NCAM1: variants seen among roughly 807,000 people sequenced by gnomAD.
The protein encoded by NCAM1 is antigen recognized by monoclonal antibody 5.1H11.
A neutral mutation model predicts 109.8 loss-of-function variants in NCAM1; 14 were observed. The observed-to-expected ratio is 0.13, with a 90% confidence interval of 0.08 to 0.20. NCAM1 has a LOEUF of 0.20. Among genes scored for constraint, NCAM1 ranks in the 10% least tolerant of loss-of-function variants. The pLI is 1.00. For synonymous variants in NCAM1, 418 were observed against 442.9 expected (o/e 0.94, Z 0.70); for missense variants, 774 against 1,109.9 (o/e 0.70, Z 4.30).
At chr11:113,243,358 C>T (rs987734084) in intron 14 of NCAM1, among the ~76,000 whole-genome samples, 1 of 152,256 alleles carries the variant, frequency 6.6e-6, no homozygotes, top group Admixed American at 6.5e-5. Context: ...TCTCCGCGTA[C>T]GCAGAGCACA....
chr11:113,154,168 C>T (rs536092268), intron 1 of NCAM1, among the ~76,000 whole-genome samples: 1 of 152,258 alleles, frequency 6.6e-6, no homozygotes, highest in African/African-American at 2.4e-5. Context: ...AAAGTTATAA[C>T]CTTAATGGAA....
At chr11:113,100,116 A>G (rs1939804797) in intron 1 of NCAM1, among the ~76,000 whole-genome samples, 1 of 152,176 alleles carries the variant, frequency 6.6e-6, no homozygotes, top group Non-Finnish European at 1.5e-5. Flanking sequence ...AGACACCAGT[A>G]CTGCCCTCTC....
intron 17 of NCAM1, chr11:113,265,025 C>T: frequency 1.0e-6 from 1 of 985,406 alleles, no homozygotes; most frequent in Non-Finnish European, 1.2e-6. Context: ...GTTGTGCTGC[C>T]CATGCTCCAC....
chr11:113,108,316 T>C (rs11214491), intron 1 of NCAM1, among the ~76,000 whole-genome samples: 23,965 of 152,152 alleles, frequency 0.16, 2,445 homozygotes, highest in East Asian at 0.27. Flanking sequence ...CTGAGCAGGG[T>C]GCTGGAGTGT....
rs1414755386 is a variant in NCAM1 at position 113,276,084 on chromosome 11, C to A, written c.*697C>A. ...CTTTTACATTCTTTTTTCTTTCTTT[C>A]TTTCTGCCAACTTTGTTTTCCAGTG... is the stretch of plus-strand genomic sequence containing the variant. On this transcript the variant is annotated 3_prime_UTR_variant, in exon 20 of 20. Transcript: ENST00000316851. 3 of 152,440 alleles carry A rather than the reference C, an allele frequency of 2.0e-5. No homozygotes were observed. Among genetic ancestry groups the A allele is most frequent in the African/African-American group, 7.2e-5 (3 of 41,398 alleles). The allele number at this position is 152,440 out of a possible 1,614,324, so 9.4% of individuals were successfully genotyped here.
intron 1 of NCAM1, among the ~76,000 whole-genome samples, chr11:113,117,757 T>C (rs2136004274): frequency 6.6e-6 from 1 of 152,190 alleles, no homozygotes; most frequent in East Asian, 1.9e-4. Flanking sequence ...CCTTTTAGTT[T>C]AAAGCCAGAA....
intron 1 of NCAM1, 114 bp from the exon 2 acceptor site, chr11:113,202,265 T>C (rs1944085663): frequency 9.0e-7 from 1 of 1,113,004 alleles, no homozygotes; most frequent in African/African-American, 1.6e-5. Flanking sequence ...GGGAAGCCTA[T>C]TTTTGAATGG....
intron 1 of NCAM1, among the ~76,000 whole-genome samples, chr11:113,141,501 T>C (rs927111657): frequency 5.9e-5 from 9 of 152,074 alleles, no homozygotes; most frequent in African/African-American, 2.2e-4. Flanking sequence ...AAATAAAAAA[T>C]AGCTGGGCGC....
At chr11:112,986,638 A>G (rs1555069711) in intron 1 of NCAM1, among the ~76,000 whole-genome samples, 1 of 151,966 alleles carries the variant, frequency 6.6e-6, no homozygotes, top group Admixed American at 6.6e-5. Flanking sequence ...TTTATTATTC[A>G]TAGGTTATAT....
Position 113,275,509 on chromosome 11 carries a change from C to CA in NCAM1, c.*123dup. The CA allele has an allele frequency of 5.9e-6, 7 of 1,189,992 alleles. No homozygotes were observed. The Middle Eastern group carries it at 6.0e-4, about 102-fold the overall frequency. 73.7% of individuals were successfully genotyped at this position (1,189,992 alleles called of 1,614,324 possible). On this transcript the variant is annotated 3_prime_UTR_variant, in exon 20 of 20. Coordinates refer to ENST00000316851, the MANE Select transcript of NCAM1 (RefSeq NM_181351.5). ...ACACAAACACACATGCACACACACA[C>CA]ATCTCATTTCTCTAGTGTCTTTTGC...
At chr11:113,189,454 AAAAAAAAAAAAAAG>A (rs569831618) in intron 1 of NCAM1, among the ~76,000 whole-genome samples, 522 of 150,272 alleles carry the variant, frequency 3.5e-3, no homozygotes, top group African/African-American at 0.012. Flanking sequence ...TGTCTCAAAA[AAAAAAAAAAAAAAG>A]AAAAGAAAAG....
At chr11:113,234,838 T>C (rs781884799) in intron 13 of NCAM1, among the ~76,000 whole-genome samples, 195 bp from the exon 14 acceptor site, 1 of 152,252 alleles carries the variant, frequency 6.6e-6, no homozygotes, top group Non-Finnish European at 1.5e-5. Context: ...ATGATACTGC[T>C]GTGAACATGG....
chr11:113,227,760 G>A (rs535491889), intron 9 of NCAM1, among the ~76,000 whole-genome samples: 5 of 152,322 alleles, frequency 3.3e-5, no homozygotes, highest in African/African-American at 1.2e-4. Context: ...TCATCCCTGG[G>A]ATGCAAGGCT....
At chr11:112,989,441 A>C (rs1555070250) in intron 1 of NCAM1, among the ~76,000 whole-genome samples, 2 of 152,160 alleles carry the variant, frequency 1.3e-5, no homozygotes, top group African/African-American at 4.8e-5. Flanking sequence ...CTTCAGCTCC[A>C]GGATATCTGC....
At chr11:113,035,739 G>A (rs868967954) in intron 1 of NCAM1, among the ~76,000 whole-genome samples, 11 of 152,034 alleles carry the variant, frequency 7.2e-5, no homozygotes, top group Admixed American at 2.0e-4. Context: ...AGTATGTTTG[G>A]TCCAAATAAT....
chr11:113,203,279 G>A (rs117670008), intron 2 of NCAM1, among the ~76,000 whole-genome samples: 1,959 of 152,304 alleles, frequency 0.013, 17 homozygotes, highest in Non-Finnish European at 0.022. Flanking sequence ...GCCGTCGGAT[G>A]TGTTCACTCC....
intron 1 of NCAM1, among the ~76,000 whole-genome samples, chr11:113,067,003 CAAAA>C (rs34002848): frequency 9.6e-6 from 1 of 103,698 alleles, no homozygotes; most frequent in Admixed American, 1.2e-4. Context: ...GAACCCCTCT[CAAAA>C]AAAAAAAAAA....
intron 1 of NCAM1, among the ~76,000 whole-genome samples, chr11:112,979,003 T>C (rs1951078557): frequency 6.6e-6 from 1 of 151,876 alleles, no homozygotes; most frequent in Non-Finnish European, 1.5e-5. Context: ...ATGGGTTTGG[T>C]TGGATTTTGT....
intron 1 of NCAM1, among the ~76,000 whole-genome samples, chr11:113,168,186 A>G (rs1942870812): frequency 6.6e-6 from 1 of 152,206 alleles, no homozygotes; most frequent in Non-Finnish European, 1.5e-5. Context: ...TGCCTTGTGG[A>G]AAGGTGCTAT....
Sources: allele counts gnomAD v4.1 joint callset (sites outside exome capture counted in the v4.1 genomes callset), GRCh38; gene constraint gnomAD v4.1.1; transcripts MANE v1.5; gene names NCBI Gene and HGNC (gene_info 2026-07-23, HGNC 2026-07-21).